Variants in GCH1 observed in about 807,000 individuals in gnomAD.
GCH1 encodes GTP cyclohydrolase I.
Under a neutral mutation model 25.9 loss-of-function variants are expected in GCH1, and 5 were observed. That is an observed-to-expected ratio of 0.19 (90% CI 0.10 to 0.41). GCH1 has a LOEUF of 0.41. GCH1 is among the 10% of genes least tolerant of loss of function. GCH1 has a pLI of 1.00. For synonymous variants in GCH1, 159 were observed against 129.6 expected (o/e 1.23, Z -1.54); for missense variants, 261 against 336.5 (o/e 0.78, Z 1.75).
intron 3 of GCH1, among the ~76,000 whole-genome samples, chr14:54,854,395 G>A (rs2039777835): frequency 6.6e-6 from 1 of 152,136 alleles, no homozygotes; most frequent in Non-Finnish European, 1.5e-5. Context: ...GCAGGAAGTG[G>A]GGGTGCTGCA....
intron 3 of GCH1, among the ~76,000 whole-genome samples, chr14:54,848,499 T>C (rs538172665): frequency 1.7e-4 from 26 of 152,288 alleles, no homozygotes; most frequent in African/African-American, 6.3e-4. Flanking sequence ...ACGTGACTTA[T>C]CCATTTGAAG....
intron 1 of GCH1, among the ~76,000 whole-genome samples, chr14:54,866,052 G>A (rs1324411021): frequency 6.6e-6 from 1 of 151,514 alleles, no homozygotes; most frequent in Non-Finnish European, 1.5e-5. Context: ...GGCTTTGGAA[G>A]ATAAGCAGTG....
Position 54,902,510 on chromosome 14 carries a change from C to G in GCH1, c.154G>C (p.Gly52Arg). ...PEAKSAQPADGWKGERPRSEE... is the reference protein window; with the variant it reads ...PEAKSAQPADRWKGERPRSEE... ...CTGCGGGGCCGCTCGCCCTTCCAGCCGTCCGCGGGCTGCGCGCTCTTGGCC... is the reference window on the plus strand; with the variant it reads ...CTGCGGGGCCGCTCGCCCTTCCAGCGGTCCGCGGGCTGCGCGCTCTTGGCC... Residue 52 changes from glycine (G) to arginine (R), a missense_variant, in exon 1 of 6, where the codon GGC becomes CGC. Around this residue, in one of 3 missense-constraint regions of GCH1, gnomAD observed 125 missense variants for 128.7 expected, o/e 0.97. Transcript: ENST00000491895. 1.9e-6 allele frequency: 3 copies of G among 1,598,982 alleles called. No individual in the cohort carries two copies. The South Asian group carries it at 3.4e-5, about 18-fold the overall frequency.
chr14:54,857,561 G>C (rs576104298), intron 3 of GCH1, among the ~76,000 whole-genome samples: 1 of 152,342 alleles, frequency 6.6e-6, no homozygotes, highest in African/African-American at 2.4e-5. Flanking sequence ...TATGGGCAAG[G>C]TATAGGGTTA....
chr14:54,892,146 C>G (rs1354568418), intron 1 of GCH1, among the ~76,000 whole-genome samples: 3 of 152,104 alleles, frequency 2.0e-5, no homozygotes, highest in Non-Finnish European at 4.4e-5. Flanking sequence ...ACTGCAAAAG[C>G]TATGGCCACA....
chr14:54,854,912 T>A (rs2039785743), intron 3 of GCH1, among the ~76,000 whole-genome samples: 1 of 152,220 alleles, frequency 6.6e-6, no homozygotes, highest in Non-Finnish European at 1.5e-5. Flanking sequence ...TAAACTGGCA[T>A]GGTCTCTTTG....
At chr14:54,880,389 ATATAT>A (rs1420877825) in intron 1 of GCH1, among the ~76,000 whole-genome samples, 1 of 142,212 alleles carries the variant, frequency 7.0e-6, no homozygotes, top group Non-Finnish European at 1.5e-5. Context: ...ATAATATAAT[ATATAT>A]TATATAATAC....
intron 3 of GCH1, chr14:54,859,374 G>A: frequency 2.5e-6 from 1 of 403,802 alleles, no homozygotes; most frequent in Non-Finnish European, 4.7e-6. Flanking sequence ...AAAGGATGGG[G>A]CTGGACTGAA....
At chr14:54,870,666 C>T (rs536027294) in intron 1 of GCH1, among the ~76,000 whole-genome samples, 1 of 152,290 alleles carries the variant, frequency 6.6e-6, no homozygotes, top group South Asian at 2.1e-4. Flanking sequence ...TGCACTTTTC[C>T]AACGATCTTA....
At chr14:54,873,574 T>A (rs2040112928) in intron 1 of GCH1, among the ~76,000 whole-genome samples, 1 of 151,886 alleles carries the variant, frequency 6.6e-6, no homozygotes, top group South Asian at 2.1e-4. Context: ...TTTGAAAAGA[T>A]CAATAAAATT....
chr14:54,872,703 C>T (rs1450157038), intron 1 of GCH1, among the ~76,000 whole-genome samples: 2 of 152,234 alleles, frequency 1.3e-5, no homozygotes, highest in South Asian at 4.1e-4. Context: ...CAATCCTAGT[C>T]TCTGATAAAA....
At chr14:54,845,966 C>G in intron 4 of GCH1, 114 bp from the exon 5 acceptor site, 1 of 733,148 alleles carries the variant, frequency 1.4e-6, no homozygotes, top group South Asian at 1.5e-5. Flanking sequence ...GATTTAAGAG[C>G]CAAGACACAC....
chr14:54,848,386 C>T (rs1159608720), intron 3 of GCH1, among the ~76,000 whole-genome samples: 1 of 152,196 alleles, frequency 6.6e-6, no homozygotes, highest in African/African-American at 2.4e-5. Context: ...CTGCCCACCA[C>T]AGTCTCCCAA....
At chr14:54,859,647 C>T in intron 3 of GCH1, 34 bp downstream of exon 3, 2 of 1,263,628 alleles carry the variant, frequency 1.6e-6, no homozygotes, top group Non-Finnish European at 1.2e-6. Flanking sequence ...GTCCTATAAA[C>T]CTGTATTCTT....
chr14:54,858,568 G>A (rs965648736), intron 3 of GCH1, among the ~76,000 whole-genome samples: 4 of 151,708 alleles, frequency 2.6e-5, no homozygotes, highest in Non-Finnish European at 4.4e-5. Flanking sequence ...TTACAAGTGT[G>A]AAAGACGGCA....
At position 54,843,744 on chromosome 14, in the gene GCH1, C is replaced by T. The variant is rs2039594978; in HGVS notation, c.*273G>A. ...CTAATTCTTCTCCCTTCCCAGGCCCCTCTGGTTATCTGGCAGTGGTTTTGT... is the reference window on the plus strand; with the variant it reads ...CTAATTCTTCTCCCTTCCCAGGCCCTTCTGGTTATCTGGCAGTGGTTTTGT... On this transcript the variant is annotated 3_prime_UTR_variant, in exon 6 of 6. Coordinates refer to ENST00000491895, the MANE Select transcript of GCH1 (RefSeq NM_000161.3). 1.2e-6 allele frequency: 2 copies of T among 1,613,608 alleles called. No homozygotes were observed. Among genetic ancestry groups the T allele is most frequent in the South Asian group, 2.2e-5 (2 of 90,856 alleles).
chr14:54,874,948 T>TC (rs2040136530), intron 1 of GCH1, among the ~76,000 whole-genome samples: 3 of 152,172 alleles, frequency 2.0e-5, no homozygotes, highest in Admixed American at 6.6e-5. Flanking sequence ...CCAATGACTT[T>TC]CTTCACAGAA....
rs148156893 is a variant in GCH1, at chr14:54,852,698, T to C, written c.510-5568A>G. On this transcript the variant is annotated intron_variant, in intron 3 of 5. Coordinates refer to ENST00000491895, the MANE Select transcript of GCH1 (RefSeq NM_000161.3). ...ATTCCAGGACTGTTATATGCCACTT[T>C]GCCTGAAGTCATTTCGCTTCAAGTT... Among the ~76,000 whole-genome samples the C allele has an allele frequency of 1.3e-3, 204 of 152,364 alleles. 1 individual carries two copies. The highest frequency in any genetic ancestry group is 4.6e-3 in the African/African-American group (191 of 41,578).
intron 2 of GCH1, among the ~76,000 whole-genome samples, chr14:54,860,579 C>A (rs1594983802): frequency 7.0e-6 from 1 of 143,010 alleles, no homozygotes; most frequent in African/African-American, 2.6e-5. Flanking sequence ...CTCACTCTGT[C>A]GCCCAGGCTG....
Sources: allele counts gnomAD v4.1 joint callset (sites outside exome capture counted in the v4.1 genomes callset), GRCh38; gene constraint gnomAD v4.1.1; regional missense constraint gnomAD v4.1.1; transcripts MANE v1.5; gene names NCBI Gene and HGNC (gene_info 2026-07-23, HGNC 2026-07-21).